Variants in PIAS2 observed in about 807,000 individuals in gnomAD.
PIAS2 encodes protein inhibitor of activated STAT 2.
Under a neutral mutation model 69.7 loss-of-function variants are expected in PIAS2, and 19 were observed. That is an observed-to-expected ratio of 0.27 (90% CI 0.19 to 0.40). The LOEUF (loss-of-function observed/expected upper bound fraction) is 0.40, where lower values mean the gene tolerates loss of function less well. Ranked by LOEUF, PIAS2 falls within the 10% of genes least tolerant of loss-of-function variation. PIAS2 has a pLI of 1.00. For synonymous variants in PIAS2, 261 were observed against 263.2 expected (o/e 0.99, Z 0.08); for missense variants, 624 against 757.0 (o/e 0.82, Z 2.06).
Position 46,828,136 on chromosome 18 carries a change from T to C in PIAS2, c.1337-6A>G, listed in dbSNP as rs1024930557. ...CTTACTGAGGACGCTTGAACCTGCA[T>C]GTAAAGAAACAAAAGGAAAAAAAAA... is the stretch of plus-strand genomic sequence containing the variant. On this transcript the variant is annotated splice_polypyrimidine_tract_variant and splice_region_variant and intron_variant, in intron 10 of 13. Transcript: ENST00000585916. 1.6e-5 allele frequency: 26 copies of C among 1,583,290 alleles called. No homozygotes were observed. The Middle Eastern group carries it at 8.5e-4, about 52-fold the overall frequency.
intron 1 of PIAS2, chr18:46,905,914 T>C (rs541891727): frequency 5.3e-5 from 8 of 152,286 alleles, no homozygotes; most frequent in Non-Finnish European, 1.0e-4. Context: ...AACTATAGGC[T>C]AGTTTTACTC....
intron 2 of PIAS2, among the ~76,000 whole-genome samples, chr18:46,876,822 G>A (rs1046337823): frequency 3.3e-5 from 5 of 151,368 alleles, no homozygotes; most frequent in East Asian, 1.9e-4. Flanking sequence ...TCAGCCTCCC[G>A]AGTAGCTGGG....
In PIAS2 at chr18:46,806,121, T is replaced by C. The variant is rs2144654123; in HGVS notation, c.*6312A>G. 6.6e-6 allele frequency: 1 copy of C among 152,226 alleles called. No individual in the cohort carries two copies. Among genetic ancestry groups the C allele is most frequent in the East Asian group, 1.9e-4 (1 of 5,166 alleles). The allele number at this position is 152,226 out of a possible 1,614,324, so 9.4% of individuals were successfully genotyped here. A position where few individuals can be genotyped will look rare whatever the true frequency, so the allele number is the denominator to read the frequency against. On this transcript the variant is annotated 3_prime_UTR_variant, in exon 14 of 14. Coordinates refer to ENST00000585916, the MANE Select transcript of PIAS2 (RefSeq NM_004671.5). ...AGTTCTCATAATTTTAAGTCTAGAT[T>C]CCCATATCAGTCTCCTAGATAGCAC...
chr18:46,901,283 C>T, intron 1 of PIAS2: 1 of 394,222 alleles, frequency 2.5e-6, no homozygotes. Context: ...ATGGCACATG[C>T]CTGTACTCCC....
chr18:46,888,438 A>G (rs1423821534), intron 2 of PIAS2, among the ~76,000 whole-genome samples: 1 of 152,170 alleles, frequency 6.6e-6, no homozygotes, highest in Admixed American at 6.5e-5. Flanking sequence ...AAATAGCCAA[A>G]ACAATCTTAC....
rs73957806 is a variant in PIAS2, at chr18:46,867,392, T to C, written c.500-3144A>G. ...ACAGTTCTTAGATAAGTCAATTTTA[T>C]GACAGAACAGCAGCCAAAAGCATAC... On this transcript the variant is annotated intron_variant, in intron 2 of 13. Transcript: ENST00000585916. Among the ~76,000 whole-genome samples the C allele has an allele frequency of 2.2e-3, 335 of 152,348 alleles. 2 individuals are homozygous for C. Among genetic ancestry groups the C allele is most frequent in the African/African-American group, 7.5e-3 (313 of 41,586 alleles).
chr18:46,917,287 CT>C, intron 1 of PIAS2, 34 bp downstream of exon 1: 1 of 1,459,704 alleles, frequency 6.9e-7, no homozygotes, highest in Admixed American at 2.5e-5. Context: ...CTCCCATCCC[CT>C]CCCCCGCGGC....
chr18:46,841,208 T>C (rs1455769399), intron 8 of PIAS2, among the ~76,000 whole-genome samples: 1 of 152,332 alleles, frequency 6.6e-6, no homozygotes, highest in Non-Finnish European at 1.5e-5. Flanking sequence ...TACCTTCCTT[T>C]AGTCCCAAGG....
At chr18:46,894,485 A>C (rs1164048208) in intron 1 of PIAS2, among the ~76,000 whole-genome samples, 1 of 152,194 alleles carries the variant, frequency 6.6e-6, no homozygotes, top group Non-Finnish European at 1.5e-5. Context: ...CCACTGCGCT[A>C]ACTCTCAAAG....
chr18:46,858,816 G>A (rs1442967058), intron 3 of PIAS2, among the ~76,000 whole-genome samples: 1 of 152,192 alleles, frequency 6.6e-6, no homozygotes, highest in Non-Finnish European at 1.5e-5. Flanking sequence ...GAGAAGGCAG[G>A]ATAAGGGAAG....
intron 11 of PIAS2, among the ~76,000 whole-genome samples, chr18:46,825,999 C>T (rs1187062695): frequency 6.6e-6 from 1 of 152,144 alleles, no homozygotes. Context: ...CTATGTGAGT[C>T]TGTTTCTTAA....
In PIAS2 at chr18:46,888,027, A is replaced by G. The variant is rs114037070; in HGVS notation, c.499+2553T>C. Among the ~76,000 whole-genome samples the G allele has an allele frequency of 9.4e-3, 1,428 of 152,352 alleles. 20 individuals carry two copies. The highest frequency in any genetic ancestry group is 0.032 in the African/African-American group (1,346 of 41,586). ...TGAATTCAGTAAAGTAGCAGAATAC[A>G]AAGTCAACACGCAAAAATCAATTGC... is the stretch of plus-strand genomic sequence containing the variant. On this transcript the variant is annotated intron_variant, in intron 2 of 13. Coordinates refer to ENST00000585916, the MANE Select transcript of PIAS2 (RefSeq NM_004671.5).
intron 2 of PIAS2, among the ~76,000 whole-genome samples, chr18:46,888,961 G>T (rs567353802): frequency 1.2e-4 from 19 of 152,152 alleles, no homozygotes; most frequent in Admixed American, 6.5e-4. Flanking sequence ...TTTTTGACAA[G>T]GGTGCTAAGA....
intron 3 of PIAS2, 89 bp downstream of exon 3, chr18:46,864,075 A>C: frequency 1.4e-6 from 1 of 721,434 alleles, no homozygotes. Context: ...TGTTGTTTAC[A>C]CTGTCCAGTC....
intron 8 of PIAS2, 21 bp from the exon 9 acceptor site, chr18:46,836,538 G>A: frequency 6.3e-7 from 1 of 1,587,386 alleles, no homozygotes; most frequent in East Asian, 2.2e-5. Context: ...GGAAACACAA[G>A]GAAAACTATT....
chr18:46,875,948 A>G (rs1477143048), intron 2 of PIAS2, among the ~76,000 whole-genome samples: 1 of 152,214 alleles, frequency 6.6e-6, no homozygotes, highest in Non-Finnish European at 1.5e-5. Flanking sequence ...TCGGCACCCT[A>G]TGGGTCAGGC....
At chr18:46,875,199 T>C (rs1274626397) in intron 2 of PIAS2, among the ~76,000 whole-genome samples, 6 of 152,142 alleles carry the variant, frequency 3.9e-5, no homozygotes, top group Non-Finnish European at 4.4e-5. Context: ...TGTAGATAAG[T>C]ATCTATGTCC....
upstream of PIAS2, chr18:46,917,636 C>G (rs903435438): frequency 1.1e-5 from 9 of 833,284 alleles, no homozygotes; most frequent in African/African-American, 1.5e-4. Context: ...CCGCGCCTGC[C>G]CCGGCGTGCT....
At chr18:46,862,384 T>C (rs1260766298) in intron 3 of PIAS2, among the ~76,000 whole-genome samples, 1 of 152,154 alleles carries the variant, frequency 6.6e-6, no homozygotes, top group Admixed American at 6.6e-5. Context: ...CTTACTTAAC[T>C]GCAACAATCT....
Sources: allele counts gnomAD v4.1 joint callset (sites outside exome capture counted in the v4.1 genomes callset), GRCh38; gene constraint gnomAD v4.1.1; transcripts MANE v1.5; gene names NCBI Gene and HGNC (gene_info 2026-07-23, HGNC 2026-07-21).